The following PRKG1 variants were observed in gnomAD, a reference collection of about 807,000 sequenced individuals.
The protein encoded by PRKG1 is protein kinase cGMP-dependent 1, also known as cGMP-dependent protein kinase 1.
Under a neutral mutation model 88.1 loss-of-function variants are expected in PRKG1, and 35 were observed. The ratio of observed to expected loss-of-function variants is 0.40; its 90% CI spans 0.30 to 0.53. PRKG1 has a LOEUF of 0.53. Among genes scored for constraint, PRKG1 ranks in the 20% least tolerant of loss-of-function variants. The probability of loss-of-function intolerance (pLI) is 0.59; values close to 1 mark genes in which losing one functional copy is unlikely to be tolerated. For missense variants in PRKG1, 540 were observed against 839.8 expected, an observed-to-expected ratio of 0.64 and a Z score of 4.41; for synonymous variants, 303 against 292.5, an observed-to-expected ratio of 1.04 and a Z score of -0.37.
At chr10:51,282,108 G>A (rs573261268) in intron 2 of PRKG1, among the ~76,000 whole-genome samples, 1 of 152,326 alleles carries the variant, frequency 6.6e-6, no homozygotes, top group South Asian at 2.1e-4. Flanking sequence ...CTGAGGCAAT[G>A]TGAAGATGCA....
intron 7 of PRKG1, among the ~76,000 whole-genome samples, chr10:52,095,690 C>T (rs1184124094): frequency 6.6e-6 from 1 of 152,144 alleles, no homozygotes; most frequent in Admixed American, 6.5e-5. Context: ...TCTACAGCCC[C>T]ATCATCCTAA....
intron 2 of PRKG1, among the ~76,000 whole-genome samples, chr10:51,321,424 C>T (rs774118287): frequency 6.6e-5 from 10 of 152,078 alleles, no homozygotes; most frequent in Non-Finnish European, 1.3e-4. Flanking sequence ...AAATGACTTC[C>T]CATTTTAGAC....
chr10:51,614,967 C>T (rs934358035), intron 3 of PRKG1, among the ~76,000 whole-genome samples: 1 of 145,952 alleles, frequency 6.9e-6, no homozygotes, highest in African/African-American at 2.5e-5. Context: ...ATATATCCAT[C>T]TTTGAATATA....
chr10:52,059,865 T>C (rs543929733), intron 6 of PRKG1, among the ~76,000 whole-genome samples: 44 of 152,080 alleles, frequency 2.9e-4, no homozygotes, highest in African/African-American at 9.1e-4. Flanking sequence ...GTTTTTAAAA[T>C]ACCATTTCAA....
intron 1 of PRKG1, among the ~76,000 whole-genome samples, chr10:51,110,628 G>A (rs1019861500): frequency 3.9e-5 from 6 of 152,056 alleles, no homozygotes; most frequent in African/African-American, 7.2e-5. Context: ...GTTTTCATTA[G>A]TATAAACATA....
intron 3 of PRKG1, among the ~76,000 whole-genome samples, chr10:51,651,286 C>T (rs1191954690): frequency 1.3e-5 from 2 of 152,128 alleles, no homozygotes; most frequent in East Asian, 3.9e-4. Flanking sequence ...CTAGTCCTTT[C>T]AATTCATATT....
chr10:51,990,159 G>T (rs1031971846), intron 5 of PRKG1, among the ~76,000 whole-genome samples: 2 of 151,892 alleles, frequency 1.3e-5, no homozygotes, highest in African/African-American at 2.4e-5. Context: ...TTATTTCTGG[G>T]CTTTCTGTAA....
chr10:51,908,715 GTCTA>G (rs1564703452), intron 5 of PRKG1: 1 of 144,210 alleles, frequency 6.9e-6, no homozygotes, highest in Non-Finnish European at 1.5e-5. Flanking sequence ...CTCTCTCTCT[GTCTA>G]TCTATCTATA....
intron 1 of PRKG1, among the ~76,000 whole-genome samples, chr10:51,105,399 G>C (rs142691415): frequency 8.4e-4 from 128 of 152,278 alleles, no homozygotes; most frequent in African/African-American, 2.9e-3. Context: ...TGGATGTGTG[G>C]TATTATGTGA....
chr10:52,189,589 G>C (rs1228954739), intron 9 of PRKG1, among the ~76,000 whole-genome samples: 14 of 152,176 alleles, frequency 9.2e-5, no homozygotes, highest in Admixed American at 9.2e-4. Flanking sequence ...TCTAATGTCT[G>C]ATAATATGAG....
At chr10:52,091,585 A>C (rs1164022631) in intron 7 of PRKG1, among the ~76,000 whole-genome samples, 1 of 152,196 alleles carries the variant, frequency 6.6e-6, no homozygotes, top group African/African-American at 2.4e-5. Flanking sequence ...AATGGAGATA[A>C]AAGTGTCCCC....
chr10:51,610,094 T>C (rs530231714), intron 3 of PRKG1, among the ~76,000 whole-genome samples: 1 of 152,320 alleles, frequency 6.6e-6, no homozygotes, highest in East Asian at 1.9e-4. Flanking sequence ...GTCAGGACAT[T>C]TAGGGTATCT....
chr10:51,441,818 C>T (rs963893892), intron 2 of PRKG1, among the ~76,000 whole-genome samples: 1 of 151,842 alleles, frequency 6.6e-6, no homozygotes, highest in Non-Finnish European at 1.5e-5. Context: ...CATATTACAC[C>T]ACTCTCATCT....
intron 2 of PRKG1, among the ~76,000 whole-genome samples, chr10:51,195,061 C>A (rs1837728030): frequency 6.6e-6 from 1 of 152,172 alleles, no homozygotes; most frequent in Non-Finnish European, 1.5e-5. Flanking sequence ...GTGCTAAAAC[C>A]AATGCCATAC....
intron 4 of PRKG1, among the ~76,000 whole-genome samples, chr10:51,837,577 T>C (rs1197753715): frequency 1.3e-5 from 2 of 152,134 alleles, no homozygotes; most frequent in South Asian, 2.1e-4. Flanking sequence ...TCCCTCTCCA[T>C]TGGGGTAAGG....
At chr10:52,105,764 T>C (rs1439522142) in intron 7 of PRKG1, among the ~76,000 whole-genome samples, 2 of 152,152 alleles carry the variant, frequency 1.3e-5, no homozygotes, top group Admixed American at 1.3e-4. Flanking sequence ...TTCCTGATGT[T>C]GTCCCTCCCC....
intron 5 of PRKG1, among the ~76,000 whole-genome samples, chr10:51,959,473 C>G (rs1368075034): frequency 6.6e-6 from 1 of 152,106 alleles, no homozygotes; most frequent in Admixed American, 6.6e-5. Context: ...ATACAAGAGA[C>G]AAGACTGGAA....
At chr10:52,098,503 A>G (rs1164457903) in intron 7 of PRKG1, among the ~76,000 whole-genome samples, 1 of 152,160 alleles carries the variant, frequency 6.6e-6, no homozygotes, top group Non-Finnish European at 1.5e-5. Flanking sequence ...TACAAATAAA[A>G]AGCAGGAAAG....
At chr10:51,881,392 A>C in intron 4 of PRKG1, among the ~76,000 whole-genome samples, 1 of 152,210 alleles carries the variant, frequency 6.6e-6, no homozygotes. Flanking sequence ...TGGGTCACTA[A>C]GCTGCATTCA....
Sources: gnomAD v4.1 joint callset for allele counts (sites outside exome capture counted in the v4.1 genomes callset) on GRCh38, gnomAD v4.1.1 for gene constraint, MANE v1.5 for transcripts, NCBI Gene and HGNC (gene_info 2026-07-23, HGNC 2026-07-21) for gene names.